Variants in SLC38A1 observed in about 807,000 individuals in gnomAD.
SLC38A1 encodes sodium-coupled neutral amino acid symporter 1.
In SLC38A1, 18 loss-of-function variants were observed where a neutral mutation model predicts 60.3. The observed-to-expected ratio is 0.30, with a 90% CI of 0.21 to 0.44. The LOEUF is 0.44. Among genes scored for constraint, SLC38A1 ranks in the 20% least tolerant of loss-of-function variants. The probability of loss-of-function intolerance (pLI) is 1.00; values close to 1 mark genes in which losing one functional copy is unlikely to be tolerated. For synonymous variants in SLC38A1, 196 were observed against 212.1 expected (o/e 0.92, Z 0.66); for missense variants, 448 against 587.2 (o/e 0.76, Z 2.45).
At chr12:46,230,052 T>C (rs2137944686) in intron 3 of SLC38A1, among the ~76,000 whole-genome samples, 1 of 152,354 alleles carries the variant, frequency 6.6e-6, no homozygotes, top group South Asian at 2.1e-4. Context: ...TGTATAGTTT[T>C]TCCCTAAGTG....
chr12:46,199,903 A>G (rs1401342955), intron 13 of SLC38A1, among the ~76,000 whole-genome samples: 2 of 152,220 alleles, frequency 1.3e-5, no homozygotes, highest in African/African-American at 2.4e-5. Context: ...AAAAAGAACC[A>G]TAAGTTATAA....
chr12:46,259,805 C>T (rs1268322215), intron 1 of SLC38A1, among the ~76,000 whole-genome samples: 1 of 152,162 alleles, frequency 6.6e-6, no homozygotes, highest in Non-Finnish European at 1.5e-5. Flanking sequence ...CCCTTCTTGA[C>T]ATCCATCATC....
intron 14 of SLC38A1, among the ~76,000 whole-genome samples, chr12:46,198,389 A>G (rs1259521050): frequency 1.3e-5 from 2 of 152,104 alleles, no homozygotes; most frequent in Non-Finnish European, 2.9e-5. Flanking sequence ...ATTTCTTTGG[A>G]AAGAACAGGG....
intron 12 of SLC38A1, 131 bp from the exon 13 acceptor site, chr12:46,201,329 CT>C (rs1939649687): frequency 1.4e-6 from 1 of 713,494 alleles, no homozygotes; most frequent in Admixed American, 2.8e-5. Flanking sequence ...GAAATTACCC[CT>C]GGCAGTTATG....
intron 2 of SLC38A1, 123 bp downstream of exon 2, chr12:46,243,077 T>C (rs1224443077): frequency 6.6e-6 from 1 of 151,380 alleles, no homozygotes; most frequent in Non-Finnish European, 1.5e-5. Context: ...AGTTATTTAT[T>C]AATAAATACT....
At chr12:46,253,838 G>C (rs1941939393) in intron 1 of SLC38A1, among the ~76,000 whole-genome samples, 1 of 152,106 alleles carries the variant, frequency 6.6e-6, no homozygotes. Flanking sequence ...AACTTCTTCA[G>C]GCTGAATAGG....
At chr12:46,206,969 A>T (rs888807900) in intron 8 of SLC38A1, among the ~76,000 whole-genome samples, 186 bp downstream of exon 8, 14 of 152,234 alleles carry the variant, frequency 9.2e-5, no homozygotes, top group Admixed American at 2.0e-4. Context: ...AAATGTGCAT[A>T]TGCAAATGGC....
rs147818061 is a variant in SLC38A1 at position 46,197,587 on chromosome 12, T to C, written c.1362+133A>G. 1.6e-5 allele frequency: 11 copies of C among 674,672 alleles called. No homozygotes were observed. In the Admixed American group the frequency reaches 1.7e-4, roughly 10 times the overall value. 41.8% of individuals were successfully genotyped at this position (674,672 alleles called of 1,614,324 possible). A position where few individuals can be genotyped will look rare whatever the true frequency, so the allele number is the denominator to read the frequency against. On this transcript the variant is annotated intron_variant, in intron 16 of 16. Transcript: ENST00000398637. Reference sequence around the variant, plus strand: ...TATGATATTTTAAATATCTCCCAAGTAGCAAAGCTACAGGGCTTCTGCCTC... The same window carrying C: ...TATGATATTTTAAATATCTCCCAAGCAGCAAAGCTACAGGGCTTCTGCCTC...
intron 5 of SLC38A1, among the ~76,000 whole-genome samples, chr12:46,211,474 G>T (rs1940169142): frequency 6.6e-6 from 1 of 152,236 alleles, no homozygotes; most frequent in Non-Finnish European, 1.5e-5. Context: ...ATTAGCAAAA[G>T]AAACATTCTA....
At chr12:46,259,713 C>A (rs908831384) in intron 1 of SLC38A1, among the ~76,000 whole-genome samples, 2 of 152,104 alleles carry the variant, frequency 1.3e-5, no homozygotes, top group African/African-American at 4.8e-5. Flanking sequence ...TCTCTTCTTG[C>A]CCAAGACTAA....
intron 5 of SLC38A1, among the ~76,000 whole-genome samples, chr12:46,211,423 A>G (rs1940166692): frequency 6.6e-6 from 1 of 152,238 alleles, no homozygotes; most frequent in African/African-American, 2.4e-5. Flanking sequence ...TATCTACACA[A>G]TTATTTACAA....
chr12:46,189,813 T>G (rs1272878898), intron 16 of SLC38A1, among the ~76,000 whole-genome samples: 1 of 152,166 alleles, frequency 6.6e-6, no homozygotes, highest in Non-Finnish European at 1.5e-5. Flanking sequence ...GCGCTCTGCC[T>G]GCCACCATGT....
At chr12:46,209,258 A>G (rs964146138) in intron 5 of SLC38A1, 131 bp from the exon 6 acceptor site, 7 of 558,594 alleles carry the variant, frequency 1.3e-5, no homozygotes, top group African/African-American at 1.2e-4. Context: ...TTTGGAACCT[A>G]TTAGTCATCC....
chr12:46,214,465 A>T (rs1463432158), intron 5 of SLC38A1, among the ~76,000 whole-genome samples: 5 of 152,222 alleles, frequency 3.3e-5, no homozygotes, highest in African/African-American at 1.2e-4. Context: ...CCCAAAGATT[A>T]TATGAATAAT....
chr12:46,234,462 TGTTGAGACGGAGTCTC>T (rs1941187020), intron 3 of SLC38A1, among the ~76,000 whole-genome samples: 4 of 151,014 alleles, frequency 2.6e-5, no homozygotes, highest in Non-Finnish European at 5.9e-5. Flanking sequence ...TTTTTTTTTT[TGTTGAGACGGAGTCTC>T]TGTCTTTCGC....
chr12:46,231,709 G>A (rs1480218586), intron 3 of SLC38A1, among the ~76,000 whole-genome samples: 1 of 152,184 alleles, frequency 6.6e-6, no homozygotes, highest in African/African-American at 2.4e-5. Context: ...AGGCTGCAGT[G>A]CAGTTGTACA....
At chr12:46,221,262 C>T (rs1344140117) in intron 5 of SLC38A1, among the ~76,000 whole-genome samples, 1 of 152,068 alleles carries the variant, frequency 6.6e-6, no homozygotes, top group African/African-American at 2.4e-5. Flanking sequence ...GAACAATCCA[C>T]CAAAGTGAAG....
chr12:46,211,244 T>C (rs1248646965), intron 5 of SLC38A1, among the ~76,000 whole-genome samples: 1 of 152,090 alleles, frequency 6.6e-6, no homozygotes, highest in Non-Finnish European at 1.5e-5. Context: ...TGGAGTAAAA[T>C]GAGTGACATC....
intron 5 of SLC38A1, among the ~76,000 whole-genome samples, chr12:46,210,415 A>T (rs1044350961): frequency 6.6e-6 from 1 of 152,194 alleles, no homozygotes; most frequent in Non-Finnish European, 1.5e-5. Context: ...CAGACCTAAC[A>T]CTTTGGGTAG....
Sources: allele counts gnomAD v4.1 joint callset (sites outside exome capture counted in the v4.1 genomes callset), GRCh38; gene constraint gnomAD v4.1.1; transcripts MANE v1.5; gene names NCBI Gene and HGNC (gene_info 2026-07-23, HGNC 2026-07-21).